CPNE4: variants seen among roughly 807,000 people sequenced by gnomAD.
The protein encoded by CPNE4 is copine-4.
A neutral mutation model predicts 67.9 loss-of-function variants in CPNE4; 25 were observed. The ratio of observed to expected loss-of-function variants is 0.37; its 90% confidence interval spans 0.27 to 0.51. The LOEUF is 0.51. Ranked by LOEUF, CPNE4 falls within the 20% of genes least tolerant of loss-of-function variation. The pLI, the probability that CPNE4 is intolerant of heterozygous loss-of-function variation, is 0.93. For synonymous variants in CPNE4, 242 were observed against 244.9 expected (o/e 0.99, Z 0.11); for missense variants, 464 against 690.8 (o/e 0.67, Z 3.68).
intron 2 of CPNE4, among the ~76,000 whole-genome samples, chr3:131,770,362 G>C (rs1394412340): frequency 6.6e-6 from 1 of 152,200 alleles, no homozygotes; most frequent in African/African-American, 2.4e-5. Flanking sequence ...GGGAAGGAAG[G>C]CCAAGAAATA....
intron 2 of CPNE4, among the ~76,000 whole-genome samples, chr3:131,822,165 A>AT (rs920251657): frequency 1.3e-5 from 2 of 152,106 alleles, no homozygotes; most frequent in Non-Finnish European, 2.9e-5. Context: ...GTACAATAAA[A>AT]TTTTTTTTCA....
intron 8 of CPNE4, among the ~76,000 whole-genome samples, chr3:131,583,241 TC>T (rs1019734340): frequency 6.6e-6 from 1 of 152,224 alleles, no homozygotes; most frequent in Non-Finnish European, 1.5e-5. Flanking sequence ...CTTTCTTTCC[TC>T]CCTCAGATTT....
At chr3:131,812,419 CAGTTAAGGT>C (rs2084571839) in intron 2 of CPNE4, among the ~76,000 whole-genome samples, 1 of 152,012 alleles carries the variant, frequency 6.6e-6, no homozygotes, top group Admixed American at 6.6e-5. Flanking sequence ...GGTGAATATC[CAGTTAAGGT>C]AGGAACCAGG....
chr3:131,903,978 A>C (rs527908339), intron 2 of CPNE4, among the ~76,000 whole-genome samples: 1 of 152,234 alleles, frequency 6.6e-6, no homozygotes, highest in South Asian at 2.1e-4. Context: ...GCAGGCACAA[A>C]AATGAATAAA....
At chr3:131,550,228 T>G in intron 13 of CPNE4, 148 bp from the exon 14 acceptor site, 1 of 762,864 alleles carries the variant, frequency 1.3e-6, no homozygotes, top group Non-Finnish European at 2.0e-6. Context: ...GAATACCACA[T>G]TGCTAGTGTT....
chr3:131,840,004 C>A (rs1480447322), intron 2 of CPNE4, among the ~76,000 whole-genome samples: 1 of 152,036 alleles, frequency 6.6e-6, no homozygotes, highest in African/African-American at 2.4e-5. Flanking sequence ...ACTTTAATGT[C>A]CAATCAGGAG....
intron 7 of CPNE4, among the ~76,000 whole-genome samples, chr3:131,601,541 T>C (rs557433146): frequency 5.9e-5 from 9 of 152,230 alleles, no homozygotes; most frequent in Admixed American, 5.9e-4. Flanking sequence ...AAACAACATA[T>C]GCAAGTATAA....
At position 131,587,520 on chromosome 3, in the gene CPNE4, T is replaced by A; in HGVS notation, c.744A>T (p.Thr248=). The change falls in exon 8 of 16, where the codon ACA becomes ACT. Residue 248 remains threonine (T), a synonymous_variant. Coordinates refer to ENST00000429747, the MANE Select transcript of CPNE4 (RefSeq NM_130808.3). ...CCATTGCTCCTCTCATCTCCTTGAA[T>A]GTCGAGGTGAATTCTCCAATGAAGT... The part of the protein sequence containing the change: ...KHDFIGEFTS[T]FKEMRGAMEG... 9.3e-6 allele frequency: 15 copies of A among 1,613,852 alleles called. No individual in the cohort carries two copies. The highest frequency in any genetic ancestry group is 1.3e-5 in the Non-Finnish European group (15 of 1,179,762).
intron 1 of CPNE4, among the ~76,000 whole-genome samples, chr3:131,980,835 A>G (rs2072885908): frequency 1.3e-5 from 2 of 152,062 alleles, no homozygotes; most frequent in East Asian, 1.9e-4. Flanking sequence ...GTCAGAGGGA[A>G]GGTCTAGGGA....
chr3:131,638,925 A>G (rs2107791140), intron 7 of CPNE4, among the ~76,000 whole-genome samples: 1 of 152,168 alleles, frequency 6.6e-6, no homozygotes, highest in African/African-American at 2.4e-5. Flanking sequence ...ATGATCAACA[A>G]TGAAATCAAT....
chr3:131,823,104 G>T (rs867728986), intron 2 of CPNE4, among the ~76,000 whole-genome samples: 1 of 152,160 alleles, frequency 6.6e-6, no homozygotes, highest in African/African-American at 2.4e-5. Context: ...CTCCCAAAGT[G>T]CTGGGATTAC....
At chr3:131,748,291 C>A (rs1279308154) in intron 2 of CPNE4, among the ~76,000 whole-genome samples, 1 of 151,842 alleles carries the variant, frequency 6.6e-6, no homozygotes. Context: ...AGTCCTATAT[C>A]CCTGGAATAA....
At chr3:131,623,124 GATGTCTAT>G (rs1349442073) in intron 7 of CPNE4, among the ~76,000 whole-genome samples, 1 of 152,008 alleles carries the variant, frequency 6.6e-6, no homozygotes, top group African/African-American at 2.4e-5. Context: ...TTCTGTCTGC[GATGTCTAT>G]AAAGTCCCCA....
chr3:131,716,308 T>C (rs1325346314), intron 3 of CPNE4, among the ~76,000 whole-genome samples: 3 of 151,958 alleles, frequency 2.0e-5, no homozygotes, highest in Non-Finnish European at 1.5e-5. Flanking sequence ...ATCTTTCCTT[T>C]AGGGCCTTAA....
At chr3:131,646,905 T>G (rs773591843) in intron 7 of CPNE4, among the ~76,000 whole-genome samples, 27 of 152,172 alleles carry the variant, frequency 1.8e-4, no homozygotes, top group Non-Finnish European at 3.4e-4. Flanking sequence ...TTTGTTACCT[T>G]GGAAATCACT....
chr3:131,753,105 TAGAG>T (rs1484901206), intron 2 of CPNE4, among the ~76,000 whole-genome samples: 1 of 151,734 alleles, frequency 6.6e-6, no homozygotes, highest in Non-Finnish European at 1.5e-5. Context: ...TGTAACAAAA[TAGAG>T]AGATCAGAAA....
chr3:131,994,701 T>C (rs1313587765), intron 1 of CPNE4, among the ~76,000 whole-genome samples: 1 of 152,158 alleles, frequency 6.6e-6, no homozygotes, highest in African/African-American at 2.4e-5. Flanking sequence ...TTACTTAAAA[T>C]AGCACCTACT....
At chr3:131,538,423 G>A (rs1192708499) in intron 15 of CPNE4, among the ~76,000 whole-genome samples, 1 of 152,176 alleles carries the variant, frequency 6.6e-6, no homozygotes, top group Non-Finnish European at 1.5e-5. Flanking sequence ...AAGGCTTTGG[G>A]GACATGTATT....
chr3:131,906,587 A>C (rs950032839), intron 1 of CPNE4, among the ~76,000 whole-genome samples: 8 of 151,792 alleles, frequency 5.3e-5, no homozygotes, highest in South Asian at 2.1e-4. Flanking sequence ...TGAACTCATC[A>C]TTTTTTATGG....
Sources: allele counts gnomAD v4.1 joint callset (sites outside exome capture counted in the v4.1 genomes callset), GRCh38; gene constraint gnomAD v4.1.1; transcripts MANE v1.5; gene names NCBI Gene and HGNC (gene_info 2026-07-23, HGNC 2026-07-21).